ATG4A: variants seen among roughly 807,000 people sequenced by gnomAD.
ATG4A encodes autophagy related 4A cysteine peptidase, also known as cysteine protease ATG4A.
Under a neutral mutation model 38.4 loss-of-function variants are expected in ATG4A, and 22 were observed. That is an observed-to-expected ratio of 0.57 (90% CI 0.41 to 0.82). The LOEUF (loss-of-function observed/expected upper bound fraction) is 0.82. Among genes scored for constraint, ATG4A ranks in the 40% least tolerant of loss-of-function variants. The probability of loss-of-function intolerance (pLI) is 0.00; values close to 1 mark genes in which losing one functional copy is unlikely to be tolerated. For synonymous variants in ATG4A, 86 were observed against 100.7 expected (o/e 0.85, Z 0.88); for missense variants, 220 against 290.0 (o/e 0.76, Z 1.75).
chrX:108,140,088 T>G (rs2033198556), intron 9 of ATG4A, among the ~76,000 whole-genome samples: 1 of 111,833 alleles, frequency 8.9e-6, no homozygotes, highest in African/African-American at 3.3e-5. Flanking sequence ...GAGGACAGCT[T>G]TGAAACAGAT....
chrX:108,110,601 C>A (rs1232809682), intron 1 of ATG4A, among the ~76,000 whole-genome samples: 3 of 111,572 alleles, frequency 2.7e-5, no homozygotes, highest in African/African-American at 9.8e-5. Flanking sequence ...TCTCCCTTAC[C>A]ACTACACTCA....
rs200763154 is a variant in ATG4A at position 108,140,610 on chromosome X, AAT to A, written c.814+2429_814+2430del. On this transcript the variant is annotated intron_variant, in intron 9 of 12. Coordinates refer to ENST00000372232, the MANE Select transcript of ATG4A (RefSeq NM_052936.5). ...ACATATATATACATTATATATATAA[AAT>A]ATATATATAAAATGTATTACATATA... 4.1e-3 allele frequency among the ~76,000 whole-genome samples: 430 copies of A among 104,533 alleles called. 3 individuals are homozygous for A. The highest frequency in any genetic ancestry group is 0.014 in the African/African-American group (414 of 29,158). The allele number at this position is 104,533 out of a possible 115,157, so 90.8% of individuals were successfully genotyped here. A position where few individuals can be genotyped will look rare whatever the true frequency, so the allele number is the denominator to read the frequency against.
At chrX:108,098,578 G>T (rs192229704) in intron 1 of ATG4A, among the ~76,000 whole-genome samples, 1 of 107,639 alleles carries the variant, frequency 9.3e-6, no homozygotes, top group African/African-American at 3.4e-5. Context: ...AACCATTATC[G>T]CAATCAAGAA....
At chrX:108,114,010 T>G (rs750801665) in intron 1 of ATG4A, among the ~76,000 whole-genome samples, 1 of 111,864 alleles carries the variant, frequency 8.9e-6, no homozygotes, top group Non-Finnish European at 1.9e-5. Flanking sequence ...AAGTTGTAAT[T>G]GCGAAAAGCA....
At chrX:108,148,565 C>T (rs2148029693) in intron 9 of ATG4A, among the ~76,000 whole-genome samples, 1 of 109,413 alleles carries the variant, frequency 9.1e-6, no homozygotes, top group African/African-American at 3.3e-5. Flanking sequence ...GGGAAAAGGT[C>T]CTGGTCAGAG....
chrX:108,096,405 T>A (rs1302472014), intron 1 of ATG4A, among the ~76,000 whole-genome samples: 3 of 112,133 alleles, frequency 2.7e-5, no homozygotes, highest in Non-Finnish European at 5.6e-5. Context: ...GAATTTAGCC[T>A]GCCAGTCATA....
chrX:108,123,144 C>A (rs1226127397), intron 1 of ATG4A, among the ~76,000 whole-genome samples: 5 of 111,783 alleles, frequency 4.5e-5, no homozygotes, highest in Admixed American at 2.8e-4. Flanking sequence ...GCAGAGACTT[C>A]AGTACAATAA....
In ATG4A at chrX:108,091,816, A is replaced by G; in HGVS notation, c.-11A>G. The G allele has an allele frequency of 8.3e-7, 1 of 1,211,543 alleles. No individual in the cohort carries two copies. ...TTGCCGGTGGAATTGGCCCAGGATG[A>G]CAGCTGGAGAATGGAGTCAGGTACG... On this transcript the variant is annotated 5_prime_UTR_variant, in exon 1 of 13. Coordinates refer to ENST00000372232, the MANE Select transcript of ATG4A (RefSeq NM_052936.5).
intron 9 of ATG4A, among the ~76,000 whole-genome samples, chrX:108,143,250 C>T (rs1309341882): frequency 1.8e-5 from 2 of 112,250 alleles, no homozygotes; most frequent in African/African-American, 6.5e-5. Flanking sequence ...TAGCTGGTCA[C>T]GTGGTCGTAG....
rs150114881 is a variant in ATG4A at position 108,124,981 on chromosome X, G to A, written c.11-1096G>A. ...GAGGAGCCCCCATGAGTTGAGAGGT[G>A]TATGTTGAATATCTTAGCTTTGAAC... On this transcript the variant is annotated intron_variant, in intron 1 of 12. Transcript: ENST00000372232. 5.5e-3 allele frequency among the ~76,000 whole-genome samples: 618 copies of A among 111,513 alleles called. 6 individuals are homozygous for A. Among genetic ancestry groups the A allele is most frequent in the African/African-American group, 0.019 (581 of 30,709 alleles).
chrX:108,124,738 A>G (rs1027764941), intron 1 of ATG4A, among the ~76,000 whole-genome samples: 13 of 112,282 alleles, frequency 1.2e-4, no homozygotes, highest in African/African-American at 3.9e-4. Context: ...AAATATTTAT[A>G]TGATCAGAAC....
At chrX:108,122,780 G>A (rs1023685629) in intron 1 of ATG4A, among the ~76,000 whole-genome samples, 5 of 112,294 alleles carry the variant, frequency 4.5e-5, no homozygotes, top group African/African-American at 1.6e-4. Flanking sequence ...CTGAAGCAAT[G>A]GATAACATTT....
intron 1 of ATG4A, among the ~76,000 whole-genome samples, chrX:108,107,981 G>A (rs1230308150): frequency 1.8e-5 from 2 of 110,746 alleles, no homozygotes; most frequent in Admixed American, 9.6e-5. Flanking sequence ...AAAACCAGTT[G>A]AAGGTAGAAA....
intron 1 of ATG4A, among the ~76,000 whole-genome samples, chrX:108,122,005 G>A (rs1214259236): frequency 1.8e-5 from 2 of 111,939 alleles, no homozygotes; most frequent in Non-Finnish European, 3.8e-5. Flanking sequence ...TGTTAGAATT[G>A]AAAGACCTAT....
intron 1 of ATG4A, among the ~76,000 whole-genome samples, chrX:108,114,887 T>G (rs979288943): frequency 1.2e-4 from 14 of 112,045 alleles, no homozygotes; most frequent in Non-Finnish European, 2.3e-4. Flanking sequence ...CTCAATTAAT[T>G]TTTTTAACAG....
At chrX:108,128,735 A>G (rs771905891) in intron 2 of ATG4A, 46 bp from the exon 3 acceptor site, 3 of 929,215 alleles carry the variant, frequency 3.2e-6, no homozygotes, top group African/African-American at 4.0e-5. Flanking sequence ...AAAGGTGGGT[A>G]TTTTTAGATA....
upstream of ATG4A, chrX:108,091,613 A>C: frequency 2.1e-6 from 2 of 959,843 alleles, no homozygotes; most frequent in South Asian, 4.0e-5. Flanking sequence ...TTAGAGCTTC[A>C]CCAATCACCG....
At chrX:108,089,787 G>T (rs1244285929), upstream of ATG4A, among the ~76,000 whole-genome samples, 1 of 110,853 alleles carries the variant, frequency 9.0e-6, no homozygotes, top group Non-Finnish European at 1.9e-5. Context: ...GAGGTGATAC[G>T]GCACCACTGC....
At chrX:108,141,063 T>C (rs1204529948) in intron 9 of ATG4A, among the ~76,000 whole-genome samples, 1 of 28,621 alleles carries the variant, frequency 3.5e-5, no homozygotes, top group Non-Finnish European at 6.4e-5. Context: ...TATACGTGTA[T>C]ATATATACAT....
Sources: allele counts gnomAD v4.1 joint callset (sites outside exome capture counted in the v4.1 genomes callset), GRCh38; gene constraint gnomAD v4.1.1; transcripts MANE v1.5; gene names NCBI Gene and HGNC (gene_info 2026-07-23, HGNC 2026-07-21).